Variants in MCPH1 observed in about 807,000 individuals in gnomAD.
MCPH1 encodes microcephalin 1, also known as microcephalin.
Under a neutral mutation model 84.5 loss-of-function variants are expected in MCPH1, and 104 were observed. That is an observed-to-expected ratio of 1.23 (90% CI 1.05 to 1.45). The LOEUF is 1.45. Among genes scored for constraint, MCPH1 ranks in the 40% most tolerant of loss-of-function variants. The probability of loss-of-function intolerance (pLI) is 0.00; values close to 1 mark genes in which losing one functional copy is unlikely to be tolerated. For missense variants in MCPH1, 1,498 were observed against 1,005.7 expected, an observed-to-expected ratio of 1.49 and a Z score of -6.62; for synonymous variants, 514 against 366.8, an observed-to-expected ratio of 1.40 and a Z score of -4.58.
intron 8 of MCPH1, among the ~76,000 whole-genome samples, chr8:6,450,854 C>T (rs537213921): frequency 4.3e-4 from 66 of 152,160 alleles, no homozygotes; most frequent in African/African-American, 1.5e-3. Flanking sequence ...GTGATCCTCC[C>T]ACCTCAGCAT....
intron 10 of MCPH1, among the ~76,000 whole-genome samples, chr8:6,478,020 G>T (rs1260137714): frequency 2.0e-5 from 3 of 152,194 alleles, no homozygotes; most frequent in African/African-American, 4.8e-5. Flanking sequence ...GCATTTTGTG[G>T]AAGGGTTAAT....
At chr8:6,489,868 G>C (rs557748800) in intron 11 of MCPH1, among the ~76,000 whole-genome samples, 15 of 152,304 alleles carry the variant, frequency 9.8e-5, no homozygotes, top group African/African-American at 3.4e-4. Context: ...AGTAAACTAA[G>C]ATTATGTATA....
intron 13 of MCPH1, among the ~76,000 whole-genome samples, chr8:6,630,456 A>G (rs1227697266): frequency 1.3e-5 from 2 of 152,222 alleles, no homozygotes; most frequent in African/African-American, 4.8e-5. Flanking sequence ...AAATCTAAAC[A>G]AGCTCAAGCG....
rs114500635 is a variant in MCPH1 at position 6,593,979 on chromosome 8, C to G, written c.2215-27475C>G. ...ATGGATAGAAGGCTGGTGGTGAGCT[C>G]CAGGTGCCTTCCCTATTGTCTCTTC... On this transcript the variant is annotated intron_variant, in intron 12 of 13. Coordinates refer to ENST00000344683, the MANE Select transcript of MCPH1 (RefSeq NM_024596.5). 3.5e-3 allele frequency among the ~76,000 whole-genome samples: 530 copies of G among 152,308 alleles called. 3 individuals carry two copies. Among genetic ancestry groups the G allele is most frequent in the African/African-American group, 0.012 (499 of 41,580 alleles).
In MCPH1 at chr8:6,444,242, C is replaced by T. The variant is rs1803927788; in HGVS notation, c.671-151C>T. The T allele has an allele frequency of 4.6e-6, 4 of 874,610 alleles. No individual in the cohort carries two copies. The South Asian group carries it at 5.2e-5, about 11-fold the overall frequency. 54.2% of individuals were successfully genotyped at this position (874,610 alleles called of 1,614,324 possible). Reference sequence around the variant, plus strand: ...TAAAAATACTGGCCTAAAATGTACCCTTAAGTGGAAATGAGAAGAACTCAA... The same window carrying T: ...TAAAAATACTGGCCTAAAATGTACCTTTAAGTGGAAATGAGAAGAACTCAA... On this transcript the variant is annotated intron_variant, in intron 7 of 13. Coordinates refer to ENST00000344683, the MANE Select transcript of MCPH1 (RefSeq NM_024596.5).
At chr8:6,566,324 C>T (rs547386268) in intron 12 of MCPH1, among the ~76,000 whole-genome samples, 4 of 152,298 alleles carry the variant, frequency 2.6e-5, no homozygotes, top group South Asian at 2.1e-4. Flanking sequence ...CCACAGTGCA[C>T]GCGGTGTGGT....
At chr8:6,493,229 T>C (rs182861663) in intron 11 of MCPH1, among the ~76,000 whole-genome samples, 151 of 152,370 alleles carry the variant, frequency 9.9e-4, no homozygotes, top group African/African-American at 3.6e-3. Flanking sequence ...GCTGTATTTA[T>C]AAAGTGAATA....
At chr8:6,588,598 A>C (rs1001472121) in intron 12 of MCPH1, among the ~76,000 whole-genome samples, 1 of 152,266 alleles carries the variant, frequency 6.6e-6, no homozygotes, top group East Asian at 1.9e-4. Context: ...GCCTGAGTCC[A>C]TGTGAACGCA....
At chr8:6,450,873 G>T (rs1396334787) in intron 8 of MCPH1, among the ~76,000 whole-genome samples, 5 of 152,018 alleles carry the variant, frequency 3.3e-5, no homozygotes, top group African/African-American at 1.2e-4. Flanking sequence ...ATCCTGAGTA[G>T]CTGGGACTAC....
intron 13 of MCPH1, chr8:6,625,185 A>C (rs2448612): frequency 2.0e-6 from 2 of 985,284 alleles, no homozygotes; most frequent in Non-Finnish European, 2.4e-6. Flanking sequence ...GAAATCACCT[A>C]TTTTCTGTGG....
intron 12 of MCPH1, among the ~76,000 whole-genome samples, chr8:6,515,281 A>G (rs1013314391): frequency 2.6e-5 from 4 of 152,074 alleles, no homozygotes; most frequent in Non-Finnish European, 4.4e-5. Context: ...GACTCCTGTT[A>G]CATTCTCGTA....
At chr8:6,551,132 C>T (rs1186654484) in intron 12 of MCPH1, among the ~76,000 whole-genome samples, 2 of 152,318 alleles carry the variant, frequency 1.3e-5, no homozygotes, top group East Asian at 3.9e-4. Context: ...TCGAAGCTGA[C>T]CATCTGTGCT....
At chr8:6,599,981 T>A (rs942457040) in intron 12 of MCPH1, among the ~76,000 whole-genome samples, 1 of 152,262 alleles carries the variant, frequency 6.6e-6, no homozygotes, top group African/African-American at 2.4e-5. Context: ...AGAGGAAAAG[T>A]ACTGTGGTTT....
chr8:6,422,226 T>C (rs1800309388), intron 3 of MCPH1, among the ~76,000 whole-genome samples: 1 of 152,246 alleles, frequency 6.6e-6, no homozygotes, highest in Non-Finnish European at 1.5e-5. Context: ...CTAACATTCA[T>C]CTGGCTCATA....
At chr8:6,565,753 G>C (rs1412002311) in intron 12 of MCPH1, among the ~76,000 whole-genome samples, 1 of 152,216 alleles carries the variant, frequency 6.6e-6, no homozygotes, top group East Asian at 1.9e-4. Flanking sequence ...GTATGGAGAG[G>C]GAGAGACCCA....
intron 12 of MCPH1, among the ~76,000 whole-genome samples, chr8:6,557,778 A>G (rs1824879174): frequency 6.6e-6 from 1 of 152,104 alleles, no homozygotes; most frequent in African/African-American, 2.4e-5. Flanking sequence ...TACCGTAAAC[A>G]TCCTGGAAAT....
intron 12 of MCPH1, among the ~76,000 whole-genome samples, chr8:6,582,734 A>G (rs539740899): frequency 4.5e-4 from 68 of 152,240 alleles, no homozygotes; most frequent in Non-Finnish European, 8.5e-4. Flanking sequence ...TTTTCACAGT[A>G]TGGCTCTTTC....
At chr8:6,522,723 G>C (rs1817597182) in intron 12 of MCPH1, among the ~76,000 whole-genome samples, 1 of 151,342 alleles carries the variant, frequency 6.6e-6, no homozygotes, top group Non-Finnish European at 1.5e-5. Context: ...GCAGTGAGCT[G>C]AGATTATGCC....
intron 3 of MCPH1, among the ~76,000 whole-genome samples, chr8:6,426,590 T>C (rs990909163): frequency 6.6e-5 from 10 of 152,248 alleles, no homozygotes; most frequent in African/African-American, 2.4e-4. Context: ...TTGATGGAGA[T>C]TGGGCTAGTT....
Sources: gnomAD v4.1 joint callset for allele counts (sites outside exome capture counted in the v4.1 genomes callset) on GRCh38, gnomAD v4.1.1 for gene constraint, MANE v1.5 for transcripts, NCBI Gene and HGNC (gene_info 2026-07-23, HGNC 2026-07-21) for gene names.